The following C3orf70 variants were observed in gnomAD, a reference collection of about 807,000 sequenced individuals.
C3orf70 encodes the protein UPF0524 protein C3orf70.
C3orf70 carries 15 observed loss-of-function variants against 20.7 expected under a neutral mutation model. The ratio of observed to expected loss-of-function variants is 0.72; its 90% CI spans 0.48 to 1.11. The LOEUF is 1.11. Ranked by LOEUF, C3orf70 falls within the 50% of genes most tolerant of loss-of-function variation. The pLI is 0.00. For synonymous variants in C3orf70, 161 were observed against 125.7 expected (o/e 1.28, Z -1.88); for missense variants, 332 against 317.6 (o/e 1.05, Z -0.34).
At chr3:185,113,348 T>C (rs1716112603) in intron 1 of C3orf70, among the ~76,000 whole-genome samples, 1 of 151,660 alleles carries the variant, frequency 6.6e-6, no homozygotes, top group African/African-American at 2.4e-5. Flanking sequence ...TGTAAAGAAC[T>C]AACTGTGCCA....
intron 1 of C3orf70, among the ~76,000 whole-genome samples, chr3:185,094,340 G>A (rs969847996): frequency 6.6e-6 from 1 of 152,112 alleles, no homozygotes. Context: ...TCCTCCCAAA[G>A]TGCTGTGATT....
intron 1 of C3orf70, among the ~76,000 whole-genome samples, chr3:185,121,664 T>C (rs9853048): frequency 0.052 from 7,908 of 152,116 alleles, 670 homozygotes; most frequent in African/African-American, 0.18. Context: ...TAATGAGACA[T>C]GTGAAGTTGG....
At chr3:185,105,069 G>C (rs1247411145) in intron 1 of C3orf70, among the ~76,000 whole-genome samples, 3 of 152,164 alleles carry the variant, frequency 2.0e-5, no homozygotes, top group Non-Finnish European at 2.9e-5. Context: ...TAATAATGTA[G>C]AAAGTATCAA....
At chr3:185,087,101 A>C (rs7649030) in intron 1 of C3orf70, among the ~76,000 whole-genome samples, 3,186 of 152,326 alleles carry the variant, frequency 0.021, 116 homozygotes, top group African/African-American at 0.072. Flanking sequence ...ACACTTCTTC[A>C]ACAGCAAGGA....
chr3:185,130,188 T>C (rs1264462631), intron 1 of C3orf70, among the ~76,000 whole-genome samples: 2 of 152,190 alleles, frequency 1.3e-5, no homozygotes, highest in Non-Finnish European at 2.9e-5. Context: ...CAGTGGCTCA[T>C]GCCTGTAATC....
At position 185,079,293 on chromosome 3, in the gene C3orf70, A is replaced by AAAAATAAAATAAAAT. The variant is rs998126446; in HGVS notation, c.*3713_*3714insATTTTATTTTATTTT. ...GAGACTCTGTCTCAAAAAAAAAAAA[A>AAAAATAAAATAAAAT]AAAAAAAAAAAGTAAAGCCACCACT... On this transcript the variant is annotated 3_prime_UTR_variant, in exon 2 of 2. Transcript: ENST00000335012. 1 of 150,360 alleles carries AAAAATAAAATAAAAT rather than the reference A, an allele frequency of 6.7e-6. No individual in the cohort carries two copies. Among genetic ancestry groups the AAAAATAAAATAAAAT allele is most frequent in the African/African-American group, 2.5e-5 (1 of 40,788 alleles). 9.3% of individuals were successfully genotyped at this position (150,360 alleles called of 1,614,324 possible).
rs1289380067 is a variant in C3orf70 at position 185,127,752 on chromosome 3, T to A, written c.196+24876A>T. ...ACCATGACCGGCCACTATTTGTTTTTTTAATGTCCGAGTAAACCGACTCCC... is the reference window on the plus strand; with the variant it reads ...ACCATGACCGGCCACTATTTGTTTTATTAATGTCCGAGTAAACCGACTCCC... On this transcript the variant is annotated intron_variant, in intron 1 of 1. Transcript: ENST00000335012. 2.6e-5 allele frequency among the ~76,000 whole-genome samples: 4 copies of A among 152,154 alleles called. No individual in the cohort carries two copies. In the East Asian group the frequency reaches 7.7e-4, roughly 29 times the overall value.
intron 1 of C3orf70, among the ~76,000 whole-genome samples, chr3:185,107,975 T>C (rs1405250293): frequency 6.6e-6 from 1 of 152,162 alleles, no homozygotes; most frequent in Non-Finnish European, 1.5e-5. Context: ...TTAGATCAAA[T>C]CGCTACTATG....
intron 1 of C3orf70, among the ~76,000 whole-genome samples, chr3:185,149,207 A>C (rs770633743): frequency 4.5e-4 from 68 of 152,322 alleles, no homozygotes; most frequent in Non-Finnish European, 8.1e-4. Flanking sequence ...AGCCTGGTCA[A>C]CATGGTGAAA....
intron 1 of C3orf70, among the ~76,000 whole-genome samples, chr3:185,150,879 A>G (rs535546013): frequency 6.6e-6 from 1 of 152,326 alleles, no homozygotes; most frequent in African/African-American, 2.4e-5. Context: ...GGACAAAGAA[A>G]TGCCTTAAGA....
At chr3:185,149,916 A>G (rs1349951456) in intron 1 of C3orf70, among the ~76,000 whole-genome samples, 1 of 152,230 alleles carries the variant, frequency 6.6e-6, no homozygotes, top group Admixed American at 6.5e-5. Flanking sequence ...TTCTAAATTC[A>G]GATTATTTAT....
chr3:185,125,748 C>T (rs1023395776), intron 1 of C3orf70, among the ~76,000 whole-genome samples: 1 of 152,106 alleles, frequency 6.6e-6, no homozygotes, highest in Admixed American at 6.5e-5. Flanking sequence ...ACATGCTACA[C>T]GATTCCATTT....
At chr3:185,095,959 TCTC>T (rs901282226) in intron 1 of C3orf70, among the ~76,000 whole-genome samples, 10 of 151,982 alleles carry the variant, frequency 6.6e-5, no homozygotes, top group African/African-American at 2.4e-4. Flanking sequence ...ATGGTCTCGA[TCTC>T]CTGACCTCAT....
At chr3:185,113,077 A>AC (rs1197326630) in intron 1 of C3orf70, among the ~76,000 whole-genome samples, 2 of 152,124 alleles carry the variant, frequency 1.3e-5, no homozygotes, top group African/African-American at 4.8e-5. Context: ...ATAAAGTAGG[A>AC]CCATCTAATG....
intron 1 of C3orf70, among the ~76,000 whole-genome samples, chr3:185,138,501 A>G (rs1716674491): frequency 6.6e-6 from 1 of 152,120 alleles, no homozygotes; most frequent in Non-Finnish European, 1.5e-5. Context: ...AATATTTAAC[A>G]AACTATTAGC....
chr3:185,099,604 C>A (rs566326198), intron 1 of C3orf70, among the ~76,000 whole-genome samples: 77 of 152,182 alleles, frequency 5.1e-4, no homozygotes, highest in Non-Finnish European at 9.4e-4. Context: ...CCAGCCACTA[C>A]AAAAACACAC....
chr3:185,120,911 C>CA (rs1305393325), intron 1 of C3orf70, among the ~76,000 whole-genome samples: 1 of 150,810 alleles, frequency 6.6e-6, no homozygotes, highest in African/African-American at 2.5e-5. Context: ...AGTCATTATA[C>CA]AAAAAATATA....
intron 1 of C3orf70, among the ~76,000 whole-genome samples, chr3:185,091,127 A>G (rs1015817086): frequency 6.6e-6 from 1 of 152,184 alleles, no homozygotes; most frequent in Non-Finnish European, 1.5e-5. Flanking sequence ...TCAGATAGAT[A>G]CAGAAGATAA....
chr3:185,083,961 G>C (rs755546950), intron 1 of C3orf70, among the ~76,000 whole-genome samples: 6 of 152,190 alleles, frequency 3.9e-5, no homozygotes, highest in Non-Finnish European at 8.8e-5. Flanking sequence ...GTAATGTGCA[G>C]ATCACTTTAG....
Sources: gnomAD v4.1 joint callset for allele counts (sites outside exome capture counted in the v4.1 genomes callset) on GRCh38, gnomAD v4.1.1 for gene constraint, MANE v1.5 for transcripts, NCBI Gene and HGNC (gene_info 2026-07-23, HGNC 2026-07-21) for gene names.